The following ADGRG2 variants were observed in gnomAD, a reference collection of about 807,000 sequenced individuals.
The protein encoded by ADGRG2 is G protein-coupled receptor 64.
A neutral mutation model predicts 74.1 loss-of-function variants in ADGRG2; 26 were observed. That is an observed-to-expected ratio of 0.35 (90% CI 0.26 to 0.49). The LOEUF is 0.49. Ranked by LOEUF, ADGRG2 falls within the 20% of genes least tolerant of loss-of-function variation. ADGRG2 has a pLI of 0.99. For missense variants in ADGRG2, 619 were observed against 763.1 expected (o/e 0.81, Z 2.22); for synonymous variants, 296 against 295.2 (o/e 1.00, Z -0.03).
At chrX:19,122,733 C>G (rs1274910370), upstream of ADGRG2, 1 of 108,459 alleles carries the variant, frequency 9.2e-6, no homozygotes, top group East Asian at 3.0e-4. Context: ...GGGCAGGGGC[C>G]GGGGAGAAGC....
intron 3 of ADGRG2, among the ~76,000 whole-genome samples, chrX:19,049,664 T>A (rs2061278419): frequency 9.1e-6 from 1 of 109,509 alleles, no homozygotes; most frequent in East Asian, 2.8e-4. Context: ...ATCATGTTAG[T>A]GTATTTTACG....
At chrX:19,055,967 C>G (rs1309699123) in intron 3 of ADGRG2, among the ~76,000 whole-genome samples, 1 of 110,011 alleles carries the variant, frequency 9.1e-6, no homozygotes, top group Admixed American at 9.7e-5. Flanking sequence ...CCCCTGACCT[C>G]AGGTGATCCA....
At chrX:19,065,243 G>A (rs1483538754) in intron 3 of ADGRG2, among the ~76,000 whole-genome samples, 3 of 67,443 alleles carry the variant, frequency 4.4e-5, no homozygotes, top group Admixed American at 2.4e-4. Context: ...AAGTCTGGGC[G>A]ACAACAAGAT....
chrX:19,081,337 G>A (rs1282428692), intron 2 of ADGRG2, among the ~76,000 whole-genome samples: 1 of 111,943 alleles, frequency 8.9e-6, no homozygotes, highest in Non-Finnish European at 1.9e-5. Context: ...GAAATAAGAG[G>A]CTCTTCTTAA....
Position 19,027,200 on chromosome X carries a change from C to T in ADGRG2, c.470+19G>A. On this transcript the variant is annotated intron_variant, in intron 11 of 28. Transcript: ENST00000379869. ...ATAGTTGATGTCTGCAGTTTCAAAT[C>T]AAACGGCAGATTACTCACTTTAATT... 1 of 1,069,124 alleles carries T rather than the reference C, an allele frequency of 9.4e-7. No individual in the cohort carries two copies. Among genetic ancestry groups the T allele is most frequent in the Non-Finnish European group, 1.3e-6 (1 of 765,788 alleles). 88.1% of individuals were successfully genotyped at this position (1,069,124 alleles called of 1,213,427 possible). A position where few individuals can be genotyped will look rare whatever the true frequency, so the allele number is the denominator to read the frequency against.
At position 19,021,110 on chromosome X, in the gene ADGRG2, G is replaced by A; in HGVS notation, c.637C>T (p.Pro213Ser). 4.9e-6 allele frequency: 5 copies of A among 1,012,790 alleles called. No homozygotes were observed. The highest frequency in any genetic ancestry group is 7.0e-6 in the Non-Finnish European group (5 of 715,837). 83.5% of individuals were successfully genotyped at this position (1,012,790 alleles called of 1,213,427 possible). The change falls in exon 14 of 29, where the codon CCA becomes TCA. Residue 213 changes from proline (P) to serine (S), a missense_variant. Around this residue, in one of 3 missense-constraint regions of ADGRG2, gnomAD observed 292 missense variants for 318.0 expected, o/e 0.92. Coordinates refer to ENST00000379869, the MANE Select transcript of ADGRG2 (RefSeq NM_001079858.3). ...IAALERVKIR[P>S]MEHCCCSVRI... is the part of the protein sequence containing the mutation. ...GCAATAATAGACAACTTACCCATTG[G>A]TCGAATCTTTACTCTTTCCAAAGCA...
chrX:19,071,140 T>C (rs935622913), intron 2 of ADGRG2, among the ~76,000 whole-genome samples: 11 of 111,764 alleles, frequency 9.8e-5, no homozygotes, highest in African/African-American at 2.3e-4. Flanking sequence ...AATTCTGTAA[T>C]TGAATACTCA....
chrX:19,029,325 C>T (rs967575613), intron 9 of ADGRG2, among the ~76,000 whole-genome samples: 7 of 111,919 alleles, frequency 6.3e-5, no homozygotes, highest in African/African-American at 1.9e-4. Context: ...TGTGTGTGTA[C>T]GTGCATGCCA....
intron 1 of ADGRG2, among the ~76,000 whole-genome samples, chrX:19,108,104 CA>C (rs143987070): frequency 0.28 from 12,503 of 44,615 alleles, 1,042 homozygotes; most frequent in African/African-American, 0.47. Flanking sequence ...GACTCCGTCT[CA>C]AAAAAAAAAA....
chrX:19,055,055 T>A (rs1359887014), intron 3 of ADGRG2, among the ~76,000 whole-genome samples: 2 of 112,281 alleles, frequency 1.8e-5, no homozygotes, highest in Admixed American at 1.9e-4. Flanking sequence ...TCTCGTGGGC[T>A]ACAATGCATG....
In ADGRG2 at chrX:19,023,454, C is replaced by A; in HGVS notation, c.511-1G>T. The A allele has an allele frequency of 9.1e-7, 1 of 1,093,395 alleles. No individual in the cohort carries two copies. The highest frequency in any genetic ancestry group is 1.2e-6 in the Non-Finnish European group (1 of 801,143). The allele number at this position is 1,093,395 out of a possible 1,213,427, so 90.1% of individuals were successfully genotyped here. A position where few individuals can be genotyped will look rare whatever the true frequency, so the allele number is the denominator to read the frequency against. ...CTGTAGCACACATTATAAAGTAAGTCTGAAACAAAACAAAAAACACGTATA... is the reference window on the plus strand; with the variant it reads ...CTGTAGCACACATTATAAAGTAAGTATGAAACAAAACAAAAAACACGTATA... On this transcript the variant is annotated splice_acceptor_variant, in intron 12 of 28. Transcript: ENST00000379869. LOFTEE classifies it high-confidence loss of function.
At chrX:19,062,760 GAGA>G (rs918473806) in intron 3 of ADGRG2, among the ~76,000 whole-genome samples, 8 of 110,746 alleles carry the variant, frequency 7.2e-5, no homozygotes, top group Non-Finnish European at 1.5e-4. Flanking sequence ...CCAGGCCTCA[GAGA>G]GGGGAATTAT....
intron 1 of ADGRG2, among the ~76,000 whole-genome samples, chrX:19,100,178 G>A (rs936805964): frequency 8.9e-5 from 10 of 112,746 alleles, no homozygotes; most frequent in Admixed American, 2.8e-4. Flanking sequence ...ACACTCAGAT[G>A]ACATCGTGTT....
intron 13 of ADGRG2, among the ~76,000 whole-genome samples, chrX:19,022,136 T>C (rs1310188378): frequency 9.1e-6 from 1 of 109,651 alleles, no homozygotes; most frequent in Non-Finnish European, 1.9e-5. Flanking sequence ...TGGTGGTGGG[T>C]GCCTGTAATC....
At position 19,072,022 on chromosome X, in the gene ADGRG2, T is replaced by A. The variant is rs745804503; in HGVS notation, c.-1-3187A>T. Among the ~76,000 whole-genome samples the A allele has an allele frequency of 6.3e-5, 7 of 110,747 alleles. No homozygotes were observed. The South Asian group carries it at 2.8e-3, about 44-fold the overall frequency. On this transcript the variant is annotated intron_variant, in intron 2 of 28. Transcript: ENST00000379869. ...AAAGGAACTCAGAAATCACCTATCC[T>A]CGAACCCTCGTTCTACAGATGAAAG...
In ADGRG2 at chrX:19,007,993, G is replaced by A. The variant is rs2060271396; in HGVS notation, c.1553C>T (p.Pro518Leu). The A allele has an allele frequency of 8.3e-7, 1 of 1,202,466 alleles. No individual in the cohort carries two copies. The highest frequency in any genetic ancestry group is 2.2e-5 in the Admixed American group (1 of 45,008). ...CAGCAGTTTTACCTGAAACAAAGCA[G>A]GTGTTTCAAAAAAATTGAACTGAAC... is the stretch of plus-strand genomic sequence containing the variant. ...SRVQFNFFET[P>L]ALFQDPSLEN... The change falls in exon 19 of 29, where the codon CCT becomes CTT. Residue 518 changes from proline to leucine, a missense_variant. By Grantham distance (98) the Pro-to-Leu change is moderately conservative. Transcript: ENST00000379869.
At chrX:19,054,801 C>G (rs1204383360) in intron 3 of ADGRG2, among the ~76,000 whole-genome samples, 1 of 111,842 alleles carries the variant, frequency 8.9e-6, no homozygotes, top group African/African-American at 3.3e-5. Context: ...TGTGGGAGAT[C>G]TGGGCAGATG....
At chrX:19,053,499 A>C (rs2061359690) in intron 3 of ADGRG2, among the ~76,000 whole-genome samples, 1 of 111,203 alleles carries the variant, frequency 9.0e-6, no homozygotes, top group African/African-American at 3.3e-5. Context: ...AAGAGCCTAG[A>C]CTCCAAAGAC....
chrX:19,086,934 G>A (rs1042041930), intron 1 of ADGRG2, among the ~76,000 whole-genome samples: 41 of 111,368 alleles, frequency 3.7e-4, no homozygotes, highest in African/African-American at 1.3e-3. Context: ...TTGATACATC[G>A]GGATGGGGCC....
Sources: allele counts gnomAD v4.1 joint callset (sites outside exome capture counted in the v4.1 genomes callset), GRCh38; gene constraint gnomAD v4.1.1; regional missense constraint gnomAD v4.1.1; transcripts MANE v1.5; gene names NCBI Gene and HGNC (gene_info 2026-07-23, HGNC 2026-07-21).